GRID2: variants seen among roughly 807,000 people sequenced by gnomAD.
The protein encoded by GRID2 is glutamate ionotropic receptor delta type subunit 2.
Under a neutral mutation model 114.8 loss-of-function variants are expected in GRID2, and 33 were observed. The observed-to-expected ratio is 0.29, with a 90% CI of 0.22 to 0.38. GRID2 has a LOEUF of 0.38. GRID2 is among the 10% of genes least tolerant of loss of function. The probability of loss-of-function intolerance (pLI) is 1.00; values close to 1 mark genes in which losing one functional copy is unlikely to be tolerated. For synonymous variants in GRID2, 505 were observed against 449.9 expected (o/e 1.12, Z -1.55); for missense variants, 1,184 against 1,257.7 (o/e 0.94, Z 0.89).
intron 2 of GRID2, among the ~76,000 whole-genome samples, chr4:92,745,325 G>A (rs928634520): frequency 4.6e-5 from 7 of 152,100 alleles, no homozygotes; most frequent in African/African-American, 1.7e-4. Context: ...TTGATTTAGA[G>A]TATTTCCCTT....
At chr4:93,350,022 A>T (rs1306805105) in intron 8 of GRID2, among the ~76,000 whole-genome samples, 1 of 152,082 alleles carries the variant, frequency 6.6e-6, no homozygotes, top group Non-Finnish European at 1.5e-5. Context: ...GTGGCATGTG[A>T]TACGCACATA....
chr4:92,476,470 A>G (rs1024109826), intron 1 of GRID2, among the ~76,000 whole-genome samples: 4 of 152,198 alleles, frequency 2.6e-5, no homozygotes, highest in Non-Finnish European at 1.5e-5. Flanking sequence ...TGAGGTTTAT[A>G]TAACTTTTGT....
chr4:93,080,690 G>C (rs1391918420), intron 2 of GRID2, among the ~76,000 whole-genome samples: 1 of 152,158 alleles, frequency 6.6e-6, no homozygotes, highest in Non-Finnish European at 1.5e-5. Context: ...TACATTCTCT[G>C]ATCTCCAGGG....
At chr4:92,985,136 G>C (rs1006287439) in intron 2 of GRID2, among the ~76,000 whole-genome samples, 2 of 151,732 alleles carry the variant, frequency 1.3e-5, no homozygotes, top group Non-Finnish European at 2.9e-5. Flanking sequence ...TCCAATGATA[G>C]TCTCATCTGC....
intron 2 of GRID2, among the ~76,000 whole-genome samples, chr4:92,672,086 G>GT (rs1431990182): frequency 6.6e-6 from 1 of 152,042 alleles, no homozygotes; most frequent in African/African-American, 2.4e-5. Flanking sequence ...ATTGAATTCA[G>GT]TTTTTTATTG....
intron 2 of GRID2, among the ~76,000 whole-genome samples, chr4:92,766,692 A>G (rs1292325310): frequency 1.3e-5 from 2 of 152,220 alleles, no homozygotes; most frequent in African/African-American, 2.4e-5. Flanking sequence ...AGAAAAATAC[A>G]TATAATGTGA....
chr4:92,308,575 TTCAAA>T (rs1725535536), intron 1 of GRID2, among the ~76,000 whole-genome samples: 1 of 152,162 alleles, frequency 6.6e-6, no homozygotes, highest in Non-Finnish European at 1.5e-5. Context: ...TATGAGAATG[TTCAAA>T]TTAAAGTACA....
At chr4:93,404,682 G>A (rs1442949545) in intron 9 of GRID2, among the ~76,000 whole-genome samples, 1 of 152,084 alleles carries the variant, frequency 6.6e-6, no homozygotes, top group Non-Finnish European at 1.5e-5. Context: ...TTAAGGGAGA[G>A]CATGAAAGAA....
chr4:93,803,803 T>C (rs1470879657), intron 1 of GRID2, among the ~76,000 whole-genome samples: 2 of 152,250 alleles, frequency 1.3e-5, no homozygotes, highest in Non-Finnish European at 2.9e-5. Flanking sequence ...TTTTTAAAAT[T>C]GCTTACCTTT....
intron 2 of GRID2, among the ~76,000 whole-genome samples, chr4:92,660,298 G>A (rs1732456582): frequency 2.0e-5 from 3 of 151,308 alleles, no homozygotes; most frequent in African/African-American, 7.3e-5. Flanking sequence ...GATTTTTCAA[G>A]CTGCTATCCC....
At chr4:93,441,700 G>A (rs546049354) in intron 10 of GRID2, among the ~76,000 whole-genome samples, 3 of 151,860 alleles carry the variant, frequency 2.0e-5, no homozygotes, top group South Asian at 2.1e-4. Flanking sequence ...GCAGAGCCAC[G>A]AGCCATACCT....
intron 8 of GRID2, among the ~76,000 whole-genome samples, chr4:93,244,387 T>C (rs573227361): frequency 6.6e-6 from 1 of 151,614 alleles, no homozygotes; most frequent in African/African-American, 2.4e-5. Flanking sequence ...ATACTTAGAA[T>C]CTTTATTCGG....
chr4:93,490,011 A>G lies in GRID2; in HGVS notation c.1859-628A>G, dbSNP rs149262416. 2.4e-4 allele frequency among the ~76,000 whole-genome samples: 36 copies of G among 152,060 alleles called. No individual in the cohort carries two copies. In the East Asian group the frequency reaches 5.1e-3, roughly 21 times the overall value. The stretch of plus-strand genomic sequence containing the variant: ...GTCAGGGGACTCGTTGATATTGTCC[A>G]TGGTGAGACTATGGACAGAGAAGAG... On this transcript the variant is annotated intron_variant, in intron 11 of 15. Coordinates refer to ENST00000282020, the MANE Select transcript of GRID2 (RefSeq NM_001510.4).
chr4:92,597,698 G>A (rs1280019545), intron 2 of GRID2, among the ~76,000 whole-genome samples: 1 of 152,056 alleles, frequency 6.6e-6, no homozygotes, highest in Non-Finnish European at 1.5e-5. Flanking sequence ...TGTATGTATG[G>A]TGCATGGATA....
chr4:92,713,493 A>G lies in GRID2; in HGVS notation c.244+123207A>G, dbSNP rs918054166. On this transcript the variant is annotated intron_variant, in intron 2 of 15. Coordinates refer to ENST00000282020, the MANE Select transcript of GRID2 (RefSeq NM_001510.4). ...TACATATACATATATATATATATAT[A>G]TATATATATATATATATATATATAT... Among the ~76,000 whole-genome samples the G allele has an allele frequency of 7.2e-4, 90 of 124,468 alleles. No homozygotes were observed. In the South Asian group the frequency reaches 8.4e-3, roughly 12 times the overall value. 81.7% of individuals were successfully genotyped at this position (124,468 alleles called of 152,430 possible).
intron 4 of GRID2, among the ~76,000 whole-genome samples, chr4:93,153,084 A>G (rs1452961706): frequency 2.0e-5 from 3 of 152,178 alleles, no homozygotes; most frequent in African/African-American, 7.2e-5. Flanking sequence ...TTCTTTGAAT[A>G]GTAATCTATG....
At chr4:93,599,537 T>C (rs1337890368) in intron 13 of GRID2, among the ~76,000 whole-genome samples, 1 of 152,210 alleles carries the variant, frequency 6.6e-6, no homozygotes, top group Non-Finnish European at 1.5e-5. Flanking sequence ...CATTTCAGTT[T>C]GAGATAAAAT....
intron 1 of GRID2, among the ~76,000 whole-genome samples, chr4:92,588,077 A>G (rs549975032): frequency 2.5e-4 from 38 of 152,282 alleles, no homozygotes; most frequent in African/African-American, 8.7e-4. Context: ...ACAAACTATT[A>G]AAGAAATTTG....
At chr4:93,760,767 C>A (rs536712763) in intron 14 of GRID2, among the ~76,000 whole-genome samples, 4 of 152,288 alleles carry the variant, frequency 2.6e-5, no homozygotes, top group African/African-American at 9.6e-5. Context: ...GAGACACAAC[C>A]TTTTCTGCCT....
Sources: gnomAD v4.1 joint callset for allele counts (sites outside exome capture counted in the v4.1 genomes callset) on GRCh38, gnomAD v4.1.1 for gene constraint, MANE v1.5 for transcripts, NCBI Gene and HGNC (gene_info 2026-07-23, HGNC 2026-07-21) for gene names.